NXPE2: variants seen among roughly 807,000 people sequenced by gnomAD.
NXPE2 encodes the protein neurexophilin and PC-esterase domain family member 2, also known as NXPE family member 2.
In NXPE2, 34 loss-of-function variants were observed where a neutral mutation model predicts 34.4. The observed-to-expected ratio is 0.99, with a 90% CI of 0.75 to 1.31. The LOEUF is 1.31. Ranked by LOEUF, NXPE2 falls within the 40% of genes most tolerant of loss-of-function variation. The pLI, the probability that NXPE2 is intolerant of heterozygous loss-of-function variation, is 0.00. For synonymous variants in NXPE2, 235 were observed against 231.3 expected (o/e 1.02, Z -0.15); for missense variants, 649 against 672.5 (o/e 0.97, Z 0.39).
chr11:114,567,052 T>A, the NXPE2 span, among the ~76,000 whole-genome samples: 1 of 152,208 alleles, frequency 6.6e-6, no homozygotes, highest in Non-Finnish European at 1.5e-5. Flanking sequence ...GGAACTCTCC[T>A]GCTGTTTCTG....
downstream of NXPE2, among the ~76,000 whole-genome samples, chr11:114,711,391 G>A (rs1213870809): frequency 6.6e-6 from 1 of 152,024 alleles, no homozygotes; most frequent in Non-Finnish European, 1.5e-5. Context: ...ATTCTGCACA[G>A]AAACTATTAG....
the NXPE2 span, among the ~76,000 whole-genome samples, chr11:114,765,797 T>C: frequency 1.3e-5 from 2 of 152,216 alleles, no homozygotes; most frequent in East Asian, 3.8e-4. Context: ...GCCTTCTTAC[T>C]TGTGAGGATT....
chr11:114,761,947 G>A, the NXPE2 span, among the ~76,000 whole-genome samples: 1 of 152,206 alleles, frequency 6.6e-6, no homozygotes, highest in African/African-American at 2.4e-5. Flanking sequence ...CATGTGCTGA[G>A]CTTTGGGGAA....
the NXPE2 span, among the ~76,000 whole-genome samples, chr11:114,486,342 G>A: frequency 6.6e-6 from 1 of 152,044 alleles, no homozygotes; most frequent in Non-Finnish European, 1.5e-5. Context: ...TTTTAAATTG[G>A]ATTATTAGAT....
At chr11:114,756,068 A>G in the NXPE2 span, among the ~76,000 whole-genome samples, 1 of 152,158 alleles carries the variant, frequency 6.6e-6, no homozygotes, top group Non-Finnish European at 1.5e-5. Context: ...GATACCTTAC[A>G]TCCACTGTAT....
intron 3 of NXPE2, among the ~76,000 whole-genome samples, chr11:114,703,259 G>A (rs569075848): frequency 1.7e-4 from 26 of 152,260 alleles, no homozygotes; most frequent in African/African-American, 6.3e-4. Context: ...GAAAGTCATG[G>A]GAAAGTTTTA....
the NXPE2 span, among the ~76,000 whole-genome samples, chr11:114,722,797 A>G: frequency 1.3e-5 from 2 of 152,192 alleles, no homozygotes; most frequent in Non-Finnish European, 2.9e-5. Context: ...TACCTCCTAT[A>G]AACATAAATG....
At chr11:114,472,066 A>G in the NXPE2 span, among the ~76,000 whole-genome samples, 3 of 152,202 alleles carry the variant, frequency 2.0e-5, no homozygotes, top group African/African-American at 4.8e-5. Flanking sequence ...TTGATTCCCA[A>G]TAAAAGGTGA....
the NXPE2 span, among the ~76,000 whole-genome samples, chr11:114,801,835 C>G: frequency 6.6e-6 from 1 of 151,986 alleles, no homozygotes; most frequent in African/African-American, 2.4e-5. Context: ...TGGGAAAGCC[C>G]AGGTTAGGGG....
the NXPE2 span, among the ~76,000 whole-genome samples, chr11:114,655,111 C>T: frequency 4.0e-5 from 6 of 151,346 alleles, no homozygotes; most frequent in East Asian, 3.9e-4. Context: ...TTGTTTGCCA[C>T]GTAAATATCT....
Position 114,707,018 on chromosome 11 carries a change from G to T in NXPE2, c.*88G>T. 1 of 1,063,964 alleles carries T rather than the reference G, an allele frequency of 9.4e-7. No individual in the cohort carries two copies. The highest frequency in any genetic ancestry group is 1.3e-6 in the Non-Finnish European group (1 of 762,180). The allele number at this position is 1,063,964 out of a possible 1,614,324, so 65.9% of individuals were successfully genotyped here. On this transcript the variant is annotated 3_prime_UTR_variant, in exon 6 of 6. Transcript: ENST00000389586. ...TAGTTTAATGCAATCCAAGTTTTGA[G>T]GAAACTAAATTTGAAAAAGTTCTAT...
At chr11:114,558,249 GTTTTTC>G in the NXPE2 span, among the ~76,000 whole-genome samples, 2 of 151,882 alleles carry the variant, frequency 1.3e-5, no homozygotes, top group East Asian at 1.9e-4. Flanking sequence ...CATTCTATAT[GTTTTTC>G]TTTTTATTTC....
chr11:114,624,260 A>G, the NXPE2 span, among the ~76,000 whole-genome samples: 1 of 151,940 alleles, frequency 6.6e-6, no homozygotes. Flanking sequence ...GACCCGGTGG[A>G]TAATAAATAT....
the NXPE2 span, among the ~76,000 whole-genome samples, chr11:114,651,756 A>G: frequency 2.0e-5 from 3 of 152,132 alleles, no homozygotes; most frequent in Admixed American, 6.5e-5. Context: ...GTGTGTTTTT[A>G]CAGAGTGCTG....
At chr11:114,487,505 T>A in the NXPE2 span, among the ~76,000 whole-genome samples, 1 of 152,302 alleles carries the variant, frequency 6.6e-6, no homozygotes, top group African/African-American at 2.4e-5. Flanking sequence ...GGATGCCTTT[T>A]ATTTGTTTCT....
intron 2 of NXPE2, among the ~76,000 whole-genome samples, chr11:114,684,090 T>C (rs1233168395): frequency 6.6e-6 from 1 of 152,098 alleles, no homozygotes; most frequent in Non-Finnish European, 1.5e-5. Flanking sequence ...AGTGGAGATG[T>C]TGAATATATA....
the NXPE2 span, among the ~76,000 whole-genome samples, chr11:114,537,097 T>G: frequency 1.3e-5 from 2 of 152,182 alleles, no homozygotes; most frequent in East Asian, 3.8e-4. Flanking sequence ...CAAATGGTCT[T>G]CAACCCTGGG....
chr11:114,507,797 G>T, the NXPE2 span, among the ~76,000 whole-genome samples: 1 of 151,552 alleles, frequency 6.6e-6, no homozygotes, highest in South Asian at 2.1e-4. Context: ...TACTGAATGG[G>T]CAAAAGCTGG....
chr11:114,739,836 A>ATT, the NXPE2 span, among the ~76,000 whole-genome samples: 1 of 152,064 alleles, frequency 6.6e-6, no homozygotes, highest in African/African-American at 2.4e-5. Flanking sequence ...ATCATTCAGT[A>ATT]TTTGTCTCTT....
Sources: allele counts gnomAD v4.1 joint callset (sites outside exome capture counted in the v4.1 genomes callset), GRCh38; gene constraint gnomAD v4.1.1; transcripts MANE v1.5; gene names NCBI Gene and HGNC (gene_info 2026-07-23, HGNC 2026-07-21).